Variants in DAB2 observed in about 807,000 individuals in gnomAD.
The protein encoded by DAB2 is disabled homolog 2.
DAB2 carries 28 observed loss-of-function variants against 71.6 expected under a neutral mutation model. The observed-to-expected ratio is 0.39, with a 90% CI of 0.29 to 0.54. The LOEUF is 0.54. DAB2 is among the 20% of genes least tolerant of loss of function. The probability of loss-of-function intolerance (pLI) is 0.68; values close to 1 mark genes in which losing one functional copy is unlikely to be tolerated. For missense variants in DAB2, 867 were observed against 928.8 expected, an observed-to-expected ratio of 0.93 and a Z score of 0.86; for synonymous variants, 345 against 339.7, an observed-to-expected ratio of 1.02 and a Z score of -0.17.
At position 39,409,702 on chromosome 5, in the gene DAB2, C is replaced by T. The variant is rs537156063; in HGVS notation, c.-102+15102G>A. On this transcript the variant is annotated intron_variant, in intron 1 of 14. Transcript: ENST00000320816. Reference sequence around the variant, plus strand: ...GAAGCACACTCAGCAAGTTTGGAAGCATAATTCAAGGAACCTTGTGTCTAG... The same window carrying T: ...GAAGCACACTCAGCAAGTTTGGAAGTATAATTCAAGGAACCTTGTGTCTAG... 3.0e-4 allele frequency among the ~76,000 whole-genome samples: 45 copies of T among 152,296 alleles called. 2 individuals carry two copies. In the South Asian group the frequency reaches 7.3e-3, roughly 25 times the overall value.
intron 1 of DAB2, among the ~76,000 whole-genome samples, chr5:39,404,971 T>C (rs556037385): frequency 1.3e-5 from 2 of 152,336 alleles, no homozygotes; most frequent in Admixed American, 6.5e-5. Flanking sequence ...AATTTTGCAA[T>C]TGTATTTTTG....
In DAB2 at chr5:39,381,540, G is replaced by C. The variant is rs952818518; in HGVS notation, c.1418C>G (p.Thr473Arg). 2.5e-6 allele frequency: 4 copies of C among 1,614,140 alleles called. No individual in the cohort carries two copies. The South Asian group carries it at 4.4e-5, about 18-fold the overall frequency. ...GGGCTGCAGGGCTGTAGGTTGTCCTGTGGGTGACGCCTGGCCTGAAGGTTC... is the reference window on the plus strand; with the variant it reads ...GGGCTGCAGGGCTGTAGGTTGTCCTCTGGGTGACGCCTGGCCTGAAGGTTC... ...VSEPSGQASP[T>R]GQPTALQPNP... The change falls in exon 11 of 15, where the codon ACA becomes AGA. Residue 473 changes from threonine to arginine, a missense_variant. Thr to Arg is a moderately conservative substitution (Grantham distance 71). Coordinates refer to ENST00000320816, the MANE Select transcript of DAB2 (RefSeq NM_001343.4).
intron 1 of DAB2, among the ~76,000 whole-genome samples, chr5:39,395,361 C>T (rs945654807): frequency 6.6e-6 from 1 of 152,184 alleles, no homozygotes; most frequent in Non-Finnish European, 1.5e-5. Context: ...CACACTAACC[C>T]CTCCACAACC....
intron 11 of DAB2, among the ~76,000 whole-genome samples, chr5:39,380,151 G>A (rs62358394): frequency 0.053 from 8,137 of 152,190 alleles, 281 homozygotes; most frequent in African/African-American, 0.092. Context: ...AAAGAGCAAC[G>A]CAGAAAGGGG....
At chr5:39,406,532 G>A (rs756955896) in intron 1 of DAB2, among the ~76,000 whole-genome samples, 16 of 152,202 alleles carry the variant, frequency 1.1e-4, no homozygotes, top group Non-Finnish European at 2.2e-4. Flanking sequence ...GACAACAGCA[G>A]GAAGGGACCC....
intron 11 of DAB2, among the ~76,000 whole-genome samples, chr5:39,380,662 CAAGT>C (rs1047483022): frequency 2.6e-5 from 4 of 152,336 alleles, no homozygotes; most frequent in African/African-American, 9.6e-5. Flanking sequence ...AGCCCTCAGT[CAAGT>C]GGACTTTCCC....
intron 1 of DAB2, among the ~76,000 whole-genome samples, chr5:39,407,424 T>C (rs970837645): frequency 1.3e-5 from 2 of 152,218 alleles, no homozygotes; most frequent in African/African-American, 4.8e-5. Context: ...TTCACCATTT[T>C]GGCCAGGCTG....
chr5:39,380,621 C>CTATA (rs1392872940), intron 11 of DAB2, among the ~76,000 whole-genome samples: 7 of 152,168 alleles, frequency 4.6e-5, no homozygotes, highest in African/African-American at 1.7e-4. Flanking sequence ...CTGAAAAGAA[C>CTATA]TATAGGCTAT....
chr5:39,421,159 G>A (rs1032699597), intron 1 of DAB2, among the ~76,000 whole-genome samples: 1 of 152,180 alleles, frequency 6.6e-6, no homozygotes, highest in African/African-American at 2.4e-5. Flanking sequence ...GTCTGTTCTA[G>A]CATGAGCACA....
Position 39,376,694 on chromosome 5 carries a change from T to A in DAB2, c.2093A>T (p.Asp698Val). 6.2e-7 allele frequency: 1 copy of A among 1,614,168 alleles called. No homozygotes were observed. The highest frequency in any genetic ancestry group is 8.5e-7 in the Non-Finnish European group (1 of 1,180,020). ...SKVGIPQENA[D>V]HDDFDANQLL... is the part of the protein sequence containing the mutation. The stretch of plus-strand genomic sequence containing the variant: ...TTGATTAGCATCAAAGTCATCATGG[T>A]CTGCATTCTCCTGAGGAATGCCAAC... The change falls in exon 12 of 15, where the codon GAC becomes GTC. Residue 698 changes from aspartate (D) to valine (V), a missense_variant. This residue lies in a region of DAB2 where 740 missense variants were observed against 734.3 expected (regional missense o/e 1.01). Coordinates refer to ENST00000320816, the MANE Select transcript of DAB2 (RefSeq NM_001343.4).
chr5:39,384,237 T>C (rs1481118736), intron 9 of DAB2, among the ~76,000 whole-genome samples: 1 of 152,236 alleles, frequency 6.6e-6, no homozygotes, highest in Non-Finnish European at 1.5e-5. Context: ...ACAGTGGATG[T>C]CTGAAATGGC....
intron 1 of DAB2, among the ~76,000 whole-genome samples, chr5:39,416,229 CCTT>C (rs1434176500): frequency 6.6e-6 from 1 of 151,976 alleles, no homozygotes; most frequent in Non-Finnish European, 1.5e-5. Context: ...CATAAGTACT[CCTT>C]AATATATTTA....
In DAB2 at chr5:39,395,129, A is replaced by G. The variant is rs376697215; in HGVS notation, c.-101-708T>C. On this transcript the variant is annotated intron_variant, in intron 1 of 14. Transcript: ENST00000320816. ...TGCTCTCACAACCTCTGCCCTACCC[A>G]CAATGTATCATAGTAGGAGAAACAG... Among the ~76,000 whole-genome samples the G allele has an allele frequency of 1.1e-4, 16 of 152,282 alleles. No homozygotes were observed. In the South Asian group the frequency reaches 3.1e-3, roughly 30 times the overall value.
rs1410743171 is a variant in DAB2 at position 39,372,689 on chromosome 5, G to A, written c.*742C>T. The A allele has an allele frequency of 6.7e-6, 1 of 148,524 alleles. No individual in the cohort carries two copies. Among genetic ancestry groups the A allele is most frequent in the Non-Finnish European group, 1.5e-5 (1 of 67,466 alleles). 9.2% of individuals were successfully genotyped at this position (148,524 alleles called of 1,614,324 possible). ...TTGTGAAAGGGTGGTAATACTACTT[G>A]AACCCAGGAGCAAAACTGACTGAAA... On this transcript the variant is annotated 3_prime_UTR_variant, in exon 15 of 15. Coordinates refer to ENST00000320816, the MANE Select transcript of DAB2 (RefSeq NM_001343.4).
intron 11 of DAB2, among the ~76,000 whole-genome samples, chr5:39,379,475 A>G (rs1278369396): frequency 6.6e-6 from 1 of 151,520 alleles, no homozygotes; most frequent in African/African-American, 2.4e-5. Flanking sequence ...GGAGAGAAAA[A>G]TATTACATTT....
rs1754738037 is a variant in DAB2, at chr5:39,373,055, A to G, written c.*376T>C. ...CTGAACAATAAGGATTTGAAAATTT[A>G]TTCAAAACAGTATGATATGAAGGGA... On this transcript the variant is annotated 3_prime_UTR_variant, in exon 15 of 15. Transcript: ENST00000320816. The G allele has an allele frequency of 6.6e-6, 1 of 152,134 alleles. No homozygotes were observed. 9.4% of individuals were successfully genotyped at this position (152,134 alleles called of 1,614,324 possible).
chr5:39,397,084 A>G (rs1755385081), intron 1 of DAB2, among the ~76,000 whole-genome samples: 1 of 152,170 alleles, frequency 6.6e-6, no homozygotes, highest in Non-Finnish European at 1.5e-5. Flanking sequence ...CTTGCTCCAC[A>G]TGGACTTCCT....
intron 1 of DAB2, among the ~76,000 whole-genome samples, chr5:39,416,702 T>A (rs183919606): frequency 6.6e-6 from 1 of 152,218 alleles, no homozygotes; most frequent in Admixed American, 6.5e-5. Flanking sequence ...TTTACCGGCC[T>A]CTTACCAGCC....
chr5:39,421,828 G>C (rs954704753), intron 1 of DAB2, among the ~76,000 whole-genome samples: 2 of 151,756 alleles, frequency 1.3e-5, no homozygotes, highest in African/African-American at 4.8e-5. Context: ...AGGCCGAGGT[G>C]GGTGGATCAC....
Sources: gnomAD v4.1 joint callset for allele counts (sites outside exome capture counted in the v4.1 genomes callset) on GRCh38, gnomAD v4.1.1 for gene constraint, gnomAD v4.1.1 regional missense constraint, MANE v1.5 for transcripts, NCBI Gene and HGNC (gene_info 2026-07-23, HGNC 2026-07-21) for gene names.